The following ADGRL2 variants were observed in gnomAD, a reference collection of about 807,000 sequenced individuals.
ADGRL2 encodes the protein calcium-independent alpha-latrotoxin receptor 2.
A neutral mutation model predicts 157.4 loss-of-function variants in ADGRL2; 44 were observed. That is an observed-to-expected ratio of 0.28 (90% confidence interval 0.22 to 0.36). The LOEUF is 0.36. ADGRL2 is among the 10% of genes least tolerant of loss of function. ADGRL2 has a pLI of 1.00. For missense variants in ADGRL2, 1,510 were observed against 1,768.9 expected (o/e 0.85, Z 2.63); for synonymous variants, 585 against 624.7 (o/e 0.94, Z 0.95).
chr1:81,934,676 A>T (rs1033415838), intron 3 of ADGRL2, among the ~76,000 whole-genome samples: 2 of 152,074 alleles, frequency 1.3e-5, no homozygotes, highest in East Asian at 3.9e-4. Context: ...CTAAATGAAG[A>T]GTTTACTCAC....
Position 81,477,110 on chromosome 1 carries a change from T to G in ADGRL2, c.-248+32021T>G, listed in dbSNP as rs76113596. On this transcript the variant is annotated intron_variant, in intron 2 of 24. Coordinates refer to the ADGRL2 transcript ENST00000370721. ...GTTGACCATTGCCACTAACCCACCC[T>G]GGAACCAATACTATGTACCCACCAT... Among the ~76,000 whole-genome samples the G allele has an allele frequency of 3.6e-3, 549 of 152,308 alleles. 7 individuals are homozygous for G. Among genetic ancestry groups the G allele is most frequent in the Non-Finnish European group, 5.4e-3 (366 of 68,030 alleles).
At chr1:81,557,517 G>GAA (rs1436133510) in intron 2 of ADGRL2, 62 of 150,366 alleles carry the variant, frequency 4.1e-4, no homozygotes, top group African/African-American at 1.5e-3. Flanking sequence ...AAGAAAGAAA[G>GAA]AAAGAAAGAG....
At chr1:81,644,617 T>C (rs768319211) in intron 3 of ADGRL2, among the ~76,000 whole-genome samples, 15 of 152,168 alleles carry the variant, frequency 9.9e-5, no homozygotes, top group Non-Finnish European at 1.9e-4. Context: ...ATATGAAAGA[T>C]GTTCCATGTC....
At position 81,333,780 on chromosome 1, in the gene ADGRL2, A is replaced by AAG. The variant is rs1553154309; in HGVS notation, c.-302+27271_-302+27272insAG. ...CCCTAAGCAAAAAAAAAAAAAAAAA[A>AAG]TTCCTTACTTCCAAATGTAATGGAA... On this transcript the variant is annotated intron_variant, in intron 1 of 24. Transcript: ENST00000370721. Among the ~76,000 whole-genome samples, 4 of 151,816 alleles carry AAG rather than the reference A, an allele frequency of 2.6e-5. No individual in the cohort carries two copies. The South Asian group carries it at 8.3e-4, about 32-fold the overall frequency.
chr1:81,983,878 A>G (rs1002533080), intron 19 of ADGRL2, among the ~76,000 whole-genome samples: 1 of 151,974 alleles, frequency 6.6e-6, no homozygotes, highest in Middle Eastern at 3.4e-3. Context: ...GGGAAATTAC[A>G]TGGGTAACTC....
intron 4 of ADGRL2, among the ~76,000 whole-genome samples, chr1:81,941,628 T>C (rs1040429736): frequency 6.6e-6 from 1 of 151,854 alleles, no homozygotes; most frequent in African/African-American, 2.4e-5. Context: ...ATGGGGATGA[T>C]ATACCTATGC....
chr1:81,406,622 T>G (rs1557665331), intron 1 of ADGRL2, among the ~76,000 whole-genome samples: 1 of 152,200 alleles, frequency 6.6e-6, no homozygotes, highest in Non-Finnish European at 1.5e-5. Context: ...TCTCAAGTTT[T>G]GAATACAATG....
At chr1:81,356,989 T>TAAAGCTC (rs1000960759) in intron 1 of ADGRL2, among the ~76,000 whole-genome samples, 5 of 140,738 alleles carry the variant, frequency 3.6e-5, no homozygotes, top group African/African-American at 1.4e-4. Flanking sequence ...TGTTTCCTTT[T>TAAAGCTC]AAAGCTCATT....
intron 2 of ADGRL2, among the ~76,000 whole-genome samples, chr1:81,852,664 G>A (rs2093054648): frequency 6.6e-6 from 1 of 151,996 alleles, no homozygotes; most frequent in African/African-American, 2.4e-5. Context: ...GCATTTGCAA[G>A]TGTATATCTG....
At chr1:81,959,822 T>C (rs751233660) in intron 11 of ADGRL2, among the ~76,000 whole-genome samples, 6 of 151,928 alleles carry the variant, frequency 3.9e-5, no homozygotes, top group Non-Finnish European at 8.8e-5. Flanking sequence ...TTTTTTGAGA[T>C]GGAGTTCCAC....
chr1:81,578,470 T>G (rs1453788134), intron 2 of ADGRL2, among the ~76,000 whole-genome samples: 1 of 152,182 alleles, frequency 6.6e-6, no homozygotes, highest in African/African-American at 2.4e-5. Context: ...ATACTGTTAA[T>G]GAAACAATTT....
At position 81,356,000 on chromosome 1, in the gene ADGRL2, G is replaced by A. The variant is rs568446793; in HGVS notation, c.-302+49491G>A. On this transcript the variant is annotated intron_variant, in intron 1 of 24. Coordinates refer to the ADGRL2 transcript ENST00000370721. ...CCTGGTATTATTTTTTTATCTCAGG[G>A]TATGAACAATGTTAGCTTCAGGATC... Among the ~76,000 whole-genome samples the A allele has an allele frequency of 5.5e-4, 83 of 152,126 alleles. 1 individual carries two copies. The South Asian group carries it at 0.016, about 30-fold the overall frequency.
At chr1:81,894,723 GTT>G (rs11285689) in intron 2 of ADGRL2, among the ~76,000 whole-genome samples, 1 of 149,246 alleles carries the variant, frequency 6.7e-6, no homozygotes, top group Non-Finnish European at 1.5e-5. Context: ...ATTTCAATAT[GTT>G]TTTTTTTTCT....
At chr1:81,738,183 T>C (rs1226700255) in intron 1 of ADGRL2, among the ~76,000 whole-genome samples, 1 of 152,216 alleles carries the variant, frequency 6.6e-6, no homozygotes, top group Non-Finnish European at 1.5e-5. Flanking sequence ...GATCCGGATG[T>C]AGGTCAAGAT....
intron 2 of ADGRL2, among the ~76,000 whole-genome samples, chr1:81,498,431 T>A (rs2078774466): frequency 6.6e-6 from 1 of 152,208 alleles, no homozygotes; most frequent in Non-Finnish European, 1.5e-5. Flanking sequence ...CAGAACCATT[T>A]AATCTTTCAT....
At chr1:81,797,027 C>T (rs968044045), upstream of ADGRL2, among the ~76,000 whole-genome samples, 1 of 152,248 alleles carries the variant, frequency 6.6e-6, no homozygotes, top group Admixed American at 6.5e-5. Flanking sequence ...AAATTGAAAA[C>T]AAAGCTAGCA....
intron 2 of ADGRL2, among the ~76,000 whole-genome samples, chr1:81,554,173 G>T (rs887588987): frequency 6.6e-6 from 1 of 152,156 alleles, no homozygotes; most frequent in Non-Finnish European, 1.5e-5. Flanking sequence ...GGTATTTGTT[G>T]TTTGTCATAA....
intron 1 of ADGRL2, among the ~76,000 whole-genome samples, chr1:81,428,396 G>A (rs559389795): frequency 2.0e-5 from 3 of 152,154 alleles, no homozygotes; most frequent in African/African-American, 7.2e-5. Context: ...CATGTTGCAG[G>A]TGCAAAAGGA....
chr1:81,645,707 C>A (rs1314886007), intron 3 of ADGRL2, among the ~76,000 whole-genome samples: 1 of 152,046 alleles, frequency 6.6e-6, no homozygotes, highest in Admixed American at 6.6e-5. Flanking sequence ...ACAATTGCTA[C>A]CTAGTGTGTC....
Sources: gnomAD v4.1 joint callset for allele counts (sites outside exome capture counted in the v4.1 genomes callset) on GRCh38, gnomAD v4.1.1 for gene constraint, MANE v1.5 for transcripts, NCBI Gene and HGNC (gene_info 2026-07-23, HGNC 2026-07-21) for gene names.